TXNRD2: variants seen among roughly 807,000 people sequenced by gnomAD.
TXNRD2 encodes the protein thioredoxin reductase 2, also known as thioredoxin reductase 2, mitochondrial.
In TXNRD2, 67 loss-of-function variants were observed where a neutral mutation model predicts 70.8. The ratio of observed to expected loss-of-function variants is 0.95; its 90% confidence interval spans 0.78 to 1.16. The LOEUF (loss-of-function observed/expected upper bound fraction) is 1.16. Ranked by LOEUF, TXNRD2 falls within the 50% of genes most tolerant of loss-of-function variation. The pLI is 0.00. For missense variants in TXNRD2, 644 were observed against 719.9 expected (o/e 0.89, Z 1.21); for synonymous variants, 301 against 295.8 (o/e 1.02, Z -0.18).
At chr22:19,911,672 A>C (rs1454972335) in intron 7 of TXNRD2, among the ~76,000 whole-genome samples, 1 of 152,128 alleles carries the variant, frequency 6.6e-6, no homozygotes. Context: ...GTGCCCTCGC[A>C]GGGTACCTTT....
At chr22:19,923,035 A>G (rs1352815951) in intron 2 of TXNRD2, among the ~76,000 whole-genome samples, 15 of 152,068 alleles carry the variant, frequency 9.9e-5, no homozygotes, top group Admixed American at 9.8e-4. Context: ...CTGAAGTTTG[A>G]GTCTCCTTCA....
intron 2 of TXNRD2, among the ~76,000 whole-genome samples, chr22:19,924,851 G>C (rs1265311726): frequency 6.6e-6 from 1 of 152,038 alleles, no homozygotes; most frequent in Non-Finnish European, 1.5e-5. Context: ...GGGACTCAAG[G>C]CCAATGAAAA....
In TXNRD2 at chr22:19,905,155, G is replaced by A. The variant is rs182676186; in HGVS notation, c.663-6087C>T. On this transcript the variant is annotated intron_variant, in intron 8 of 17. Transcript: ENST00000400521. ...GCATTAACAGCGCCGGACAAAAGCC[G>A]CATTTTCACAGAAGCATCGTACAGG... Among the ~76,000 whole-genome samples the A allele has an allele frequency of 2.6e-4, 40 of 152,214 alleles. No homozygotes were observed. The East Asian group carries it at 7.5e-3, about 29-fold the overall frequency.
At chr22:19,885,102 C>T (rs752430592) in intron 11 of TXNRD2, among the ~76,000 whole-genome samples, 8 of 152,170 alleles carry the variant, frequency 5.3e-5, no homozygotes, top group African/African-American at 1.4e-4. Context: ...GAGAGGGCAC[C>T]GCATGGGCCT....
chr22:19,880,282 G>A lies in TXNRD2; in HGVS notation c.1183-11C>T. The A allele has an allele frequency of 1.2e-6, 2 of 1,613,188 alleles. No individual in the cohort carries two copies. Among genetic ancestry groups the A allele is most frequent in the South Asian group, 1.1e-5 (1 of 91,074 alleles). On this transcript the variant is annotated splice_polypyrimidine_tract_variant and intron_variant, in intron 13 of 17. Coordinates refer to ENST00000400521, the MANE Select transcript of TXNRD2 (RefSeq NM_006440.5). Reference sequence around the variant, plus strand: ...GACGGTCGTGGGAACCTGAAAGCAGGTCTGGAGTCAGGGAGGGCCCTTGGG... The same window carrying A: ...GACGGTCGTGGGAACCTGAAAGCAGATCTGGAGTCAGGGAGGGCCCTTGGG...
intron 2 of TXNRD2, among the ~76,000 whole-genome samples, chr22:19,927,165 G>A (rs918179865): frequency 1.3e-5 from 2 of 149,170 alleles, no homozygotes; most frequent in African/African-American, 4.9e-5. Flanking sequence ...GTGGTGGCAG[G>A]CACCTGTAAT....
intron 2 of TXNRD2, among the ~76,000 whole-genome samples, chr22:19,925,724 T>C (rs892049386): frequency 6.6e-6 from 1 of 151,904 alleles, no homozygotes; most frequent in African/African-American, 2.4e-5. Context: ...GCTTGAACTA[T>C]AAAATGCTTA....
rs1315091228 is a variant in TXNRD2, at chr22:19,941,716, C to A, written c.88G>T (p.Ala30Ser). Residue 30 changes from alanine (A) to serine (S), a missense_variant, in exon 1 of 18, where the codon GCG (alanine) becomes TCG (serine). Transcript: ENST00000400521. ...QAVAGGVRGA[A>S]RGAAAGQRDY... is the part of the protein sequence containing the mutation. Reference sequence around the variant, plus strand: ...CCCATCCTACCTGCTGCGCCCCGCGCCGCGCCCCGCACCCCGCCCGCCACG... The same window carrying A: ...CCCATCCTACCTGCTGCGCCCCGCGACGCGCCCCGCACCCCGCCCGCCACG... 12 of 1,484,778 alleles carry A rather than the reference C, an allele frequency of 8.1e-6. No individual in the cohort carries two copies. Among genetic ancestry groups the A allele is most frequent in the Non-Finnish European group, 1.1e-5 (12 of 1,124,850 alleles). 92.0% of individuals were successfully genotyped at this position (1,484,778 alleles called of 1,614,324 possible).
chr22:19,932,335 G>A, intron 1 of TXNRD2: 15 of 1,612,586 alleles, frequency 9.3e-6, no homozygotes, highest in Non-Finnish European at 1.3e-5. Flanking sequence ...TTCCTTTTGG[G>A]CTGGTTGTGG....
intron 11 of TXNRD2, 158 bp from the exon 12 acceptor site, chr22:19,883,619 C>T (rs1938890528): frequency 2.9e-6 from 3 of 1,032,886 alleles, no homozygotes; most frequent in African/African-American, 3.1e-5. Flanking sequence ...GGGCAAATCA[C>T]CTGAGGTCAT....
intron 11 of TXNRD2, 168 bp downstream of exon 11, chr22:19,895,239 C>T (rs571599921): frequency 9.4e-6 from 15 of 1,595,152 alleles, no homozygotes; most frequent in East Asian, 2.2e-5. Flanking sequence ...GTGTGAGTGC[C>T]GCCCCACAGG....
chr22:19,921,235 C>T (rs748406421), intron 2 of TXNRD2, among the ~76,000 whole-genome samples: 2 of 151,756 alleles, frequency 1.3e-5, no homozygotes, highest in Non-Finnish European at 2.9e-5. Flanking sequence ...GGCAATATAG[C>T]AAAACCCTGT....
At chr22:19,907,508 T>C (rs1940105338) in intron 8 of TXNRD2, among the ~76,000 whole-genome samples, 1 of 38,282 alleles carries the variant, frequency 2.6e-5, no homozygotes, top group Non-Finnish European at 4.7e-5. Context: ...TGGGTAGCAG[T>C]GACCGCTCTC....
At chr22:19,912,504 G>C (rs756811354) in intron 7 of TXNRD2, among the ~76,000 whole-genome samples, 4 of 152,228 alleles carry the variant, frequency 2.6e-5, no homozygotes, top group Non-Finnish European at 4.4e-5. Flanking sequence ...CCTGTGCAGT[G>C]CTCCCTGGTG....
chr22:19,929,010 A>G (rs1941258997), intron 2 of TXNRD2, among the ~76,000 whole-genome samples: 1 of 149,184 alleles, frequency 6.7e-6, no homozygotes, highest in Non-Finnish European at 1.5e-5. Flanking sequence ...GCTTGCAAAA[A>G]AAAAAAAGAG....
intron 11 of TXNRD2, among the ~76,000 whole-genome samples, chr22:19,892,991 G>A (rs186373180): frequency 1.1e-3 from 171 of 152,330 alleles, no homozygotes; most frequent in Admixed American, 1.6e-3. Flanking sequence ...CCCTGCGTGC[G>A]CTCAGGCATC....
At chr22:19,929,005 C>CAA (rs376971304) in intron 2 of TXNRD2, among the ~76,000 whole-genome samples, 35,109 of 122,366 alleles carry the variant, frequency 0.29, 4,565 homozygotes, top group Middle Eastern at 0.38. Flanking sequence ...GACTCGCTTG[C>CAA]AAAAAAAAAA....
intron 11 of TXNRD2, among the ~76,000 whole-genome samples, chr22:19,884,790 A>G (rs1938946194): frequency 6.6e-6 from 1 of 152,186 alleles, no homozygotes; most frequent in African/African-American, 2.4e-5. Context: ...ATTAGGAGAA[A>G]GCAAGCCCCC....
At chr22:19,903,728 T>C (rs895400606) in intron 8 of TXNRD2, among the ~76,000 whole-genome samples, 2 of 152,176 alleles carry the variant, frequency 1.3e-5, no homozygotes, top group African/African-American at 4.8e-5. Context: ...CCTGCCTCTG[T>C]AAAGGAGCTC....
Sources: allele counts gnomAD v4.1 joint callset (sites outside exome capture counted in the v4.1 genomes callset), GRCh38; gene constraint gnomAD v4.1.1; transcripts MANE v1.5; gene names NCBI Gene and HGNC (gene_info 2026-07-23, HGNC 2026-07-21).